The following GRIP1 variants were observed in gnomAD, a reference collection of about 807,000 sequenced individuals.
GRIP1 encodes glutamate receptor-interacting protein 1.
GRIP1 carries 45 observed loss-of-function variants against 129.9 expected under a neutral mutation model. That is an observed-to-expected ratio of 0.35 (90% CI 0.27 to 0.44). The LOEUF (loss-of-function observed/expected upper bound fraction) is 0.44. GRIP1 is among the 20% of genes least tolerant of loss of function. GRIP1 has a pLI of 1.00. For missense variants in GRIP1, 1,196 were observed against 1,396.8 expected (o/e 0.86, Z 2.29); for synonymous variants, 530 against 520.8 (o/e 1.02, Z -0.24).
intron 1 of GRIP1, among the ~76,000 whole-genome samples, chr12:66,860,159 G>T (rs1221717544): frequency 6.6e-6 from 1 of 152,058 alleles, no homozygotes; most frequent in Non-Finnish European, 1.5e-5. Context: ...GGGCTATAAG[G>T]ATAGATAACT....
At chr12:66,649,080 G>A (rs1373502478) in intron 1 of GRIP1, among the ~76,000 whole-genome samples, 1 of 152,044 alleles carries the variant, frequency 6.6e-6, no homozygotes, top group African/African-American at 2.4e-5. Context: ...AAAAGCAAGA[G>A]GACCATATGC....
chr12:66,690,406 CCAT>C (rs1175674219), intron 1 of GRIP1, among the ~76,000 whole-genome samples: 1 of 151,416 alleles, frequency 6.6e-6, no homozygotes, highest in Non-Finnish European at 1.5e-5. Context: ...ACCACATACA[CCAT>C]ATTTTCTTTA....
At chr12:66,900,195 T>C (rs1021065277) in intron 1 of GRIP1, among the ~76,000 whole-genome samples, 2 of 152,170 alleles carry the variant, frequency 1.3e-5, no homozygotes, top group African/African-American at 2.4e-5. Context: ...TGTCTGTATA[T>C]AATAGAAACT....
chr12:66,883,461 G>C (rs967581974), intron 1 of GRIP1, among the ~76,000 whole-genome samples: 3 of 152,140 alleles, frequency 2.0e-5, no homozygotes, highest in African/African-American at 7.2e-5. Context: ...CTGGGGTACA[G>C]CCCTGACCAT....
chr12:67,059,005 T>C (rs1204872396), intron 1 of GRIP1, among the ~76,000 whole-genome samples: 1 of 152,222 alleles, frequency 6.6e-6, no homozygotes, highest in African/African-American at 2.4e-5. Context: ...TGTGTATCTT[T>C]GAGGGATTTA....
chr12:66,668,556 G>A (rs536855491), intron 1 of GRIP1, among the ~76,000 whole-genome samples: 5 of 152,286 alleles, frequency 3.3e-5, no homozygotes, highest in African/African-American at 1.2e-4. Flanking sequence ...GGGGAAGGAG[G>A]AAGGTATGGA....
At chr12:66,487,345 A>T (rs1239380833) in intron 7 of GRIP1, among the ~76,000 whole-genome samples, 1 of 152,230 alleles carries the variant, frequency 6.6e-6, no homozygotes, top group Non-Finnish European at 1.5e-5. Context: ...AAAGAAAATA[A>T]TTTCCAACCC....
At chr12:66,700,676 G>C (rs1053464718) in intron 1 of GRIP1, among the ~76,000 whole-genome samples, 2 of 152,110 alleles carry the variant, frequency 1.3e-5, no homozygotes, top group Non-Finnish European at 2.9e-5. Context: ...GCTAAGGATA[G>C]GCTGGGGGGG....
chr12:67,025,950 T>G lies in GRIP1; in HGVS notation c.58+43100A>C, dbSNP rs529827368. Among the ~76,000 whole-genome samples the G allele has an allele frequency of 1.4e-4, 22 of 152,310 alleles. 1 individual carries two copies. The South Asian group carries it at 4.2e-3, about 29-fold the overall frequency. The stretch of plus-strand genomic sequence containing the variant: ...GTGGTGTTCATTTTCCTCGGGCTTT[T>G]TTTCTTCTTCTTCTTTTTGAGTTGG... On this transcript the variant is annotated intron_variant, in intron 1 of 1. Coordinates refer to the GRIP1 transcript ENST00000643019.
At chr12:66,996,138 T>A (rs1221288664) in intron 1 of GRIP1, among the ~76,000 whole-genome samples, 1 of 151,648 alleles carries the variant, frequency 6.6e-6, no homozygotes, top group African/African-American at 2.4e-5. Context: ...GGGTAGAGAC[T>A]TTTAGAGTGG....
chr12:66,902,387 C>T (rs2040858028), intron 1 of GRIP1, among the ~76,000 whole-genome samples: 1 of 152,122 alleles, frequency 6.6e-6, no homozygotes, highest in South Asian at 2.1e-4. Context: ...AGTCATAGAC[C>T]TCCAAGAAAT....
chr12:66,900,592 CCTAT>C (rs1176282895), intron 1 of GRIP1, among the ~76,000 whole-genome samples: 1 of 152,162 alleles, frequency 6.6e-6, no homozygotes. Flanking sequence ...AACTCTAGAG[CCTAT>C]CTTTCTACAT....
intron 23 of GRIP1, among the ~76,000 whole-genome samples, chr12:66,365,051 A>G (rs2055053047): frequency 6.6e-6 from 1 of 152,230 alleles, no homozygotes; most frequent in East Asian, 1.9e-4. Context: ...TATAGATTCT[A>G]CAATGTATAC....
chr12:66,764,301 G>A (rs1439117493), intron 1 of GRIP1, among the ~76,000 whole-genome samples: 2 of 152,172 alleles, frequency 1.3e-5, no homozygotes, highest in Non-Finnish European at 2.9e-5. Context: ...TTGGCTCTAG[G>A]CTACAGCCAT....
intron 19 of GRIP1, among the ~76,000 whole-genome samples, chr12:66,382,982 T>A (rs964650406): frequency 1.2e-4 from 18 of 151,966 alleles, no homozygotes; most frequent in Non-Finnish European, 2.4e-4. Context: ...AGGTCAGCAT[T>A]TACTAGTTGG....
At chr12:66,717,561 T>C (rs954425138) in intron 1 of GRIP1, among the ~76,000 whole-genome samples, 4 of 152,154 alleles carry the variant, frequency 2.6e-5, no homozygotes, top group Non-Finnish European at 1.5e-5. Flanking sequence ...TGCTCTGTCA[T>C]TATGTAAATC....
At chr12:67,034,547 TA>T (rs200585504) in intron 1 of GRIP1, among the ~76,000 whole-genome samples, 29 of 152,044 alleles carry the variant, frequency 1.9e-4, no homozygotes, top group Non-Finnish European at 4.0e-4. Flanking sequence ...ATATAAAAGA[TA>T]AAAAAAATGG....
chr12:66,694,639 G>A (rs1475590672), intron 1 of GRIP1, among the ~76,000 whole-genome samples: 3 of 152,154 alleles, frequency 2.0e-5, no homozygotes, highest in Non-Finnish European at 2.9e-5. Context: ...TTAGCATAGT[G>A]CGTGATAAAC....
At chr12:66,612,659 A>AT (rs112233169) in intron 1 of GRIP1, among the ~76,000 whole-genome samples, 44,443 of 151,808 alleles carry the variant, frequency 0.29, 6,701 homozygotes, top group African/African-American at 0.32. Context: ...CAAAACAAAA[A>AT]TAAAAAAAAT....
Sources: gnomAD v4.1 joint callset for allele counts (sites outside exome capture counted in the v4.1 genomes callset) on GRCh38, gnomAD v4.1.1 for gene constraint, MANE v1.5 for transcripts, NCBI Gene and HGNC (gene_info 2026-07-23, HGNC 2026-07-21) for gene names.